EXOC4: variants seen among roughly 807,000 people sequenced by gnomAD.
EXOC4 encodes SEC8-like 1.
EXOC4 carries 71 observed loss-of-function variants against 107.2 expected under a neutral mutation model. The ratio of observed to expected loss-of-function variants is 0.66; its 90% CI spans 0.55 to 0.81. The LOEUF (loss-of-function observed/expected upper bound fraction) is 0.81, where lower values mean the gene tolerates loss of function less well. EXOC4 is among the 30% of genes least tolerant of loss of function. The pLI is 0.00. For missense variants in EXOC4, 1,108 were observed against 1,189.6 expected, an observed-to-expected ratio of 0.93 and a Z score of 1.01; for synonymous variants, 456 against 441.2, an observed-to-expected ratio of 1.03 and a Z score of -0.42.
intron 11 of EXOC4, among the ~76,000 whole-genome samples, chr7:133,818,669 G>T (rs141140581): frequency 6.6e-6 from 1 of 152,172 alleles, no homozygotes; most frequent in Non-Finnish European, 1.5e-5. Flanking sequence ...CCAAAGGAAC[G>T]TGCTTGCTCT....
chr7:133,304,715 TTTAATTAC>T (rs1257481320), intron 3 of EXOC4, among the ~76,000 whole-genome samples: 1 of 152,232 alleles, frequency 6.6e-6, no homozygotes, highest in Non-Finnish European at 1.5e-5. Flanking sequence ...GTTTCATGGC[TTTAATTAC>T]CTATTGTTTT....
chr7:133,317,375 G>A lies in EXOC4; in HGVS notation c.748G>A (p.Ala250Thr), dbSNP rs138281330. ...KFLDTSHYST[A>T]GSSSVREINL... ...CCTTGATACCTCTCACTATTCTACT[G>A]CTGGAAGCTCAAGTGGTAAGTATTT... Residue 250 changes from alanine to threonine, a missense_variant, in exon 5 of 18, where the codon GCT becomes ACT. Physicochemically the swap from Ala to Thr is moderately conservative, Grantham distance 58. Coordinates refer to ENST00000253861, the MANE Select transcript of EXOC4 (RefSeq NM_021807.4). 2.6e-5 allele frequency: 42 copies of A among 1,604,642 alleles called. No homozygotes were observed. In the African/African-American group the frequency reaches 4.5e-4, roughly 17 times the overall value.
chr7:134,076,772 C>G, the EXOC4 span, among the ~76,000 whole-genome samples: 1 of 151,112 alleles, frequency 6.6e-6, no homozygotes, highest in Non-Finnish European at 1.5e-5. Context: ...TTTGTGCTAA[C>G]CTTGTTAGAA....
the EXOC4 span, among the ~76,000 whole-genome samples, chr7:134,092,235 T>C: frequency 6.6e-6 from 1 of 152,172 alleles, no homozygotes; most frequent in African/African-American, 2.4e-5. Context: ...CATTGAATTA[T>C]ATGTACACTT....
At chr7:133,730,164 C>T (rs528990316) in intron 10 of EXOC4, among the ~76,000 whole-genome samples, 1 of 146,912 alleles carries the variant, frequency 6.8e-6, no homozygotes, top group African/African-American at 2.5e-5. Flanking sequence ...AACAAAACCG[C>T]ACACTAGATC....
chr7:133,833,063 C>G (rs1191281778), intron 11 of EXOC4, among the ~76,000 whole-genome samples: 1 of 152,108 alleles, frequency 6.6e-6, no homozygotes, highest in Non-Finnish European at 1.5e-5. Context: ...TATGCACACA[C>G]ATGCACACAC....
chr7:133,632,362 C>T (rs569793278), intron 10 of EXOC4, among the ~76,000 whole-genome samples: 1 of 152,198 alleles, frequency 6.6e-6, no homozygotes, highest in East Asian at 1.9e-4. Flanking sequence ...CTGTGTATCT[C>T]TTAATGGAAA....
chr7:133,330,669 ACAG>A (rs1446872141), intron 5 of EXOC4, among the ~76,000 whole-genome samples: 1 of 151,776 alleles, frequency 6.6e-6, no homozygotes, highest in Non-Finnish European at 1.5e-5. Context: ...ACAGTCCCTC[ACAG>A]TCCCTCACAG....
rs7779565 is a variant in EXOC4 at position 133,325,701 on chromosome 7, C to G, written c.763+8311C>G. ...GACAATTATTTGCCTTGGAGTTGCT[C>G]TTCTTGAGGATTATCTTTGTGGCAT... On this transcript the variant is annotated intron_variant, in intron 5 of 17. Coordinates refer to ENST00000253861, the MANE Select transcript of EXOC4 (RefSeq NM_021807.4). Among the ~76,000 whole-genome samples the G allele has an allele frequency of 1.0e-2, 1,518 of 152,246 alleles. 20 individuals are homozygous for G. Among genetic ancestry groups the G allele is most frequent in the African/African-American group, 0.034 (1,410 of 41,526 alleles).
chr7:133,822,131 G>A (rs1210245438), intron 11 of EXOC4, among the ~76,000 whole-genome samples: 1 of 152,222 alleles, frequency 6.6e-6, no homozygotes, highest in Admixed American at 6.5e-5. Context: ...TGCAAGGAAA[G>A]CATGTTGATT....
chr7:133,418,765 T>A (rs1337477518), intron 7 of EXOC4, among the ~76,000 whole-genome samples: 1 of 152,212 alleles, frequency 6.6e-6, no homozygotes, highest in African/African-American at 2.4e-5. Flanking sequence ...TTGTTAGATA[T>A]AAGATGAATT....
At chr7:133,535,700 C>T (rs186896437) in intron 9 of EXOC4, among the ~76,000 whole-genome samples, 5 of 152,266 alleles carry the variant, frequency 3.3e-5, no homozygotes, top group African/African-American at 9.6e-5. Flanking sequence ...CTACCTTATA[C>T]GTTTTAATTT....
chr7:133,268,901 G>T (rs1334675640), intron 1 of EXOC4, among the ~76,000 whole-genome samples: 1 of 152,116 alleles, frequency 6.6e-6, no homozygotes, highest in African/African-American at 2.4e-5. Flanking sequence ...TATCAGAGCT[G>T]TCTTAATGAA....
chr7:133,494,537 C>G (rs1286675670), intron 9 of EXOC4, among the ~76,000 whole-genome samples: 7 of 152,286 alleles, frequency 4.6e-5, no homozygotes, highest in Non-Finnish European at 8.8e-5. Flanking sequence ...TTATTGAGGA[C>G]CATTAACTCC....
At chr7:133,347,708 A>G (rs987407131) in intron 5 of EXOC4, among the ~76,000 whole-genome samples, 1 of 152,174 alleles carries the variant, frequency 6.6e-6, no homozygotes, top group South Asian at 2.1e-4. Context: ...TTAGACATAC[A>G]TACCAATATA....
intron 9 of EXOC4, among the ~76,000 whole-genome samples, chr7:133,533,485 A>G (rs1360124142): frequency 6.6e-6 from 1 of 152,154 alleles, no homozygotes; most frequent in African/African-American, 2.4e-5. Flanking sequence ...ACTGTCAACA[A>G]TGAGAATCTG....
chr7:133,658,306 G>A (rs1803350391), intron 10 of EXOC4, among the ~76,000 whole-genome samples: 1 of 152,116 alleles, frequency 6.6e-6, no homozygotes, highest in Non-Finnish European at 1.5e-5. Flanking sequence ...GTTTGAAAAT[G>A]CAACCAGGTG....
the EXOC4 span, among the ~76,000 whole-genome samples, chr7:134,079,532 T>G: frequency 6.6e-6 from 1 of 152,200 alleles, no homozygotes; most frequent in Non-Finnish European, 1.5e-5. Context: ...CCTCCAGTAC[T>G]ATTCCTGTTT....
Position 133,370,148 on chromosome 7 carries a change from C to G in EXOC4, c.1008-4680C>G, listed in dbSNP as rs535185781. Among the ~76,000 whole-genome samples the G allele has an allele frequency of 9.7e-5, 13 of 133,800 alleles. No homozygotes were observed. In the South Asian group the frequency reaches 2.3e-3, roughly 24 times the overall value. 87.8% of individuals were successfully genotyped at this position (133,800 alleles called of 152,430 possible). A position where few individuals can be genotyped will look rare whatever the true frequency, so the allele number is the denominator to read the frequency against. ...TCTCTCCCCCCCGCCCACCCTCCCC[C>G]CCAAAAGCATAAACCAAAGAGTATC... On this transcript the variant is annotated intron_variant, in intron 6 of 17. Transcript: ENST00000253861.
Sources: gnomAD v4.1 joint callset for allele counts (sites outside exome capture counted in the v4.1 genomes callset) on GRCh38, gnomAD v4.1.1 for gene constraint, MANE v1.5 for transcripts, NCBI Gene and HGNC (gene_info 2026-07-23, HGNC 2026-07-21) for gene names.